Variants in NELL1 observed in about 807,000 individuals in gnomAD.
NELL1 encodes neural EGFL like 1.
In NELL1, 76 loss-of-function variants were observed where a neutral mutation model predicts 107.4. That is an observed-to-expected ratio of 0.71 (90% CI 0.59 to 0.86). The LOEUF is 0.86. Ranked by LOEUF, NELL1 falls within the 40% of genes least tolerant of loss-of-function variation. The pLI is 0.00. For synonymous variants in NELL1, 353 were observed against 341.2 expected (o/e 1.03, Z -0.38); for missense variants, 1,024 against 1,005.5 (o/e 1.02, Z -0.25).
At chr11:20,975,920 C>CACATATATGCACATATATGTGT (rs1851613475) in intron 12 of NELL1, among the ~76,000 whole-genome samples, 1 of 108,460 alleles carries the variant, frequency 9.2e-6, no homozygotes, top group African/African-American at 4.1e-5. Flanking sequence ...TATATAAACA[C>CACATATATGCACATATATGTGT]ACATATATGT....
chr11:21,069,229 A>G (rs1359733148), intron 12 of NELL1, among the ~76,000 whole-genome samples: 4 of 152,206 alleles, frequency 2.6e-5, no homozygotes, highest in African/African-American at 9.6e-5. Flanking sequence ...CAGGACACAC[A>G]TTTACCTATG....
chr11:21,133,026 A>G (rs899645938), intron 13 of NELL1, among the ~76,000 whole-genome samples: 1 of 152,016 alleles, frequency 6.6e-6, no homozygotes, highest in African/African-American at 2.4e-5. Flanking sequence ...TCTGGCCCTC[A>G]GTGGAGAGGA....
rs117296929 is a variant in NELL1, at chr11:20,966,798, C to G, written c.1300+6238C>G. ...AAGTGCATCTATTCCTGCTCTCCTA[C>G]CCACTTGAAATCTTCTTAACCATCA... is the stretch of plus-strand genomic sequence containing the variant. On this transcript the variant is annotated intron_variant, in intron 12 of 19. Coordinates refer to ENST00000357134, the MANE Select transcript of NELL1 (RefSeq NM_006157.5). Among the ~76,000 whole-genome samples the G allele has an allele frequency of 2.3e-3, 348 of 152,230 alleles. 1 individual carries two copies. The highest frequency in any genetic ancestry group is 4.1e-3 in the Non-Finnish European group (282 of 67,998).
intron 14 of NELL1, among the ~76,000 whole-genome samples, chr11:21,295,588 T>C (rs1849357666): frequency 1.3e-5 from 2 of 152,050 alleles, no homozygotes; most frequent in African/African-American, 4.8e-5. Context: ...TCTGGGTCAT[T>C]ACAGCAGTTG....
At chr11:21,474,854 T>G (rs1248954706) in intron 15 of NELL1, among the ~76,000 whole-genome samples, 1 of 152,166 alleles carries the variant, frequency 6.6e-6, no homozygotes, top group Non-Finnish European at 1.5e-5. Flanking sequence ...ATACTAACTT[T>G]AACTGGTATA....
At chr11:21,307,099 A>G (rs1020181394) in intron 14 of NELL1, among the ~76,000 whole-genome samples, 1 of 151,876 alleles carries the variant, frequency 6.6e-6, no homozygotes, top group African/African-American at 2.4e-5. Context: ...AGACACTGTT[A>G]ATTTTGTCCT....
At chr11:21,116,900 C>T (rs1855249356) in intron 13 of NELL1, among the ~76,000 whole-genome samples, 1 of 152,046 alleles carries the variant, frequency 6.6e-6, no homozygotes, top group Non-Finnish European at 1.5e-5. Context: ...TACAACTCTA[C>T]TTAAAACTTT....
intron 13 of NELL1, among the ~76,000 whole-genome samples, chr11:21,141,682 C>T (rs999678689): frequency 1.1e-4 from 16 of 152,142 alleles, no homozygotes; most frequent in African/African-American, 3.9e-4. Flanking sequence ...ACTTCAAGCA[C>T]TTAGGAACGC....
chr11:20,975,930 T>TAC (rs1279504324), intron 12 of NELL1, among the ~76,000 whole-genome samples: 1 of 140,482 alleles, frequency 7.1e-6, no homozygotes, highest in African/African-American at 2.6e-5. Context: ...CACATATATG[T>TAC]ACATATATGT....
At chr11:21,460,616 A>AT (rs1174775090) in intron 15 of NELL1, among the ~76,000 whole-genome samples, 2 of 152,102 alleles carry the variant, frequency 1.3e-5, no homozygotes, top group Non-Finnish European at 2.9e-5. Flanking sequence ...GAGAGCATTG[A>AT]TTTTAAGAAT....
Position 20,747,586 on chromosome 11 carries a change from T to A in NELL1, c.185-36094T>A, listed in dbSNP as rs558534600. 6.6e-5 allele frequency among the ~76,000 whole-genome samples: 10 copies of A among 152,336 alleles called. 1 individual carries two copies. In the South Asian group the frequency reaches 1.7e-3, roughly 25 times the overall value. On this transcript the variant is annotated intron_variant, in intron 2 of 19. Transcript: ENST00000357134. ...ATCTATACATCCATAAATGGATTAA[T>A]CTATTCATGAAAGCAGAACCCTTAT...
intron 15 of NELL1, among the ~76,000 whole-genome samples, chr11:21,495,087 A>C (rs1301844526): frequency 2.0e-5 from 3 of 152,142 alleles, no homozygotes; most frequent in Non-Finnish European, 2.9e-5. Flanking sequence ...CTTTGCAACC[A>C]TTGCCAATAG....
At chr11:21,410,735 A>C (rs1463702981) in intron 15 of NELL1, among the ~76,000 whole-genome samples, 1 of 151,906 alleles carries the variant, frequency 6.6e-6, no homozygotes, top group Non-Finnish European at 1.5e-5. Context: ...CTCAGTGGAG[A>C]GAATATTTGA....
chr11:20,800,406 G>A (rs1416169987), intron 3 of NELL1, among the ~76,000 whole-genome samples: 1 of 152,094 alleles, frequency 6.6e-6, no homozygotes, highest in Non-Finnish European at 1.5e-5. Flanking sequence ...GGTATGAGAT[G>A]GTATTTCATT....
chr11:20,859,720 AG>A (rs1475508897), intron 4 of NELL1, among the ~76,000 whole-genome samples: 4 of 152,186 alleles, frequency 2.6e-5, no homozygotes, highest in Non-Finnish European at 5.9e-5. Flanking sequence ...ACCCCCATTT[AG>A]GAGGGCATTT....
In NELL1 at chr11:21,575,072, A is replaced by G. The variant is rs772781693; in HGVS notation, c.*50A>G. 26 of 1,463,598 alleles carry G rather than the reference A, an allele frequency of 1.8e-5. No homozygotes were observed. Among genetic ancestry groups the G allele is most frequent in the Non-Finnish European group, 2.5e-5 (26 of 1,044,596 alleles). 90.7% of individuals were successfully genotyped at this position (1,463,598 alleles called of 1,614,324 possible). A position where few individuals can be genotyped will look rare whatever the true frequency, so the allele number is the denominator to read the frequency against. On this transcript the variant is annotated 3_prime_UTR_variant, in exon 20 of 20. Coordinates refer to ENST00000357134, the MANE Select transcript of NELL1 (RefSeq NM_006157.5). Reference sequence around the variant, plus strand: ...GAAGAATGGACGAAATGACCATCCAACGTGATTAAGGATAGGAATCGGTAG... The same window carrying G: ...GAAGAATGGACGAAATGACCATCCAGCGTGATTAAGGATAGGAATCGGTAG...
intron 12 of NELL1, among the ~76,000 whole-genome samples, chr11:20,978,429 T>A (rs916801039): frequency 1.3e-5 from 2 of 148,302 alleles, no homozygotes; most frequent in Non-Finnish European, 3.0e-5. Flanking sequence ...TATATTTGTC[T>A]TCATGAAAAA....
chr11:21,259,409 AG>A (rs1256795883), intron 14 of NELL1, among the ~76,000 whole-genome samples: 16 of 152,012 alleles, frequency 1.1e-4, no homozygotes, highest in African/African-American at 3.9e-4. Context: ...AATGGATATG[AG>A]GGGTAGACTT....
chr11:20,706,746 C>T (rs1854970938), intron 2 of NELL1, among the ~76,000 whole-genome samples: 1 of 152,098 alleles, frequency 6.6e-6, no homozygotes, highest in African/African-American at 2.4e-5. Flanking sequence ...CTGAGAGATC[C>T]TCTCTTAGTC....
Sources: gnomAD v4.1 joint callset for allele counts (sites outside exome capture counted in the v4.1 genomes callset) on GRCh38, gnomAD v4.1.1 for gene constraint, MANE v1.5 for transcripts, NCBI Gene and HGNC (gene_info 2026-07-23, HGNC 2026-07-21) for gene names.